Variants in BDP1 observed in about 807,000 individuals in gnomAD.
BDP1 encodes BDP1 general transcription factor IIIB subunit.
Under a neutral mutation model 266.6 loss-of-function variants are expected in BDP1, and 169 were observed. The observed-to-expected ratio is 0.63, with a 90% CI of 0.56 to 0.72. The LOEUF (loss-of-function observed/expected upper bound fraction) is 0.72, where lower values mean the gene tolerates loss of function less well. Among genes scored for constraint, BDP1 ranks in the 30% least tolerant of loss-of-function variants. BDP1 has a pLI of 0.00. For missense variants in BDP1, 3,015 were observed against 3,053.8 expected, an observed-to-expected ratio of 0.99 and a Z score of 0.30; for synonymous variants, 1,090 against 1,022.4, an observed-to-expected ratio of 1.07 and a Z score of -1.26.
intron 9 of BDP1, among the ~76,000 whole-genome samples, chr5:71,487,520 G>A (rs559878901): frequency 4.6e-5 from 7 of 152,300 alleles, no homozygotes; most frequent in African/African-American, 1.7e-4. Flanking sequence ...TGGGATTACA[G>A]GCGTGAGCCA....
At chr5:71,536,385 A>G (rs906233455) in intron 26 of BDP1, among the ~76,000 whole-genome samples, 10 of 152,230 alleles carry the variant, frequency 6.6e-5, no homozygotes, top group Non-Finnish European at 1.0e-4. Flanking sequence ...GTTAAATAGC[A>G]TATATACTGC....
At chr5:71,517,987 A>G (rs1028151670) in intron 22 of BDP1, among the ~76,000 whole-genome samples, 1 of 152,246 alleles carries the variant, frequency 6.6e-6, no homozygotes, top group African/African-American at 2.4e-5. Flanking sequence ...AGTATACTTA[A>G]CAGTATACTA....
chr5:71,489,360 C>T, intron 9 of BDP1, 44 bp from the exon 10 acceptor site: 1 of 1,466,542 alleles, frequency 6.8e-7, no homozygotes, highest in South Asian at 1.4e-5. Flanking sequence ...ACAAATTTTT[C>T]TTTAGGTTGT....
At chr5:71,562,218 AAAAAAG>A in intron 37 of BDP1, 50 bp from the exon 38 acceptor site, 3 of 1,322,664 alleles carry the variant, frequency 2.3e-6, no homozygotes, top group South Asian at 1.6e-5. Context: ...AAAAAAAAAA[AAAAAAG>A]AATGTGTCTT....
chr5:71,468,070 G>C (rs1302840615), intron 6 of BDP1, among the ~76,000 whole-genome samples: 1 of 151,982 alleles, frequency 6.6e-6, no homozygotes, highest in Non-Finnish European at 1.5e-5. Flanking sequence ...CCAGGCTGAA[G>C]TACAATGGCA....
At chr5:71,490,807 C>T (rs1217608237) in intron 10 of BDP1, among the ~76,000 whole-genome samples, 177 bp from the exon 11 acceptor site, 1 of 152,124 alleles carries the variant, frequency 6.6e-6, no homozygotes, top group Admixed American at 6.5e-5. Flanking sequence ...TGAGCTGATC[C>T]TCATATATGT....
rs748983919 is a variant in BDP1, at chr5:71,510,957, A to G, written c.3865A>G (p.Asn1289Asp). Residue 1289 changes from asparagine to aspartate, a missense_variant, in exon 17 of 39, where the codon AAT becomes GAT. Transcript: ENST00000358731. ...AGATTTGAAAGAAACTGGAAAAGAA[A>G]ATTTTAGAGAGAGAGGATCTGAAGA... The part of the protein sequence containing the change: ...EADLKETGKE[N>D]FRERGSEEIC... 15 of 1,614,166 alleles carry G rather than the reference A, an allele frequency of 9.3e-6. No homozygotes were observed. The highest frequency in any genetic ancestry group is 1.1e-5 in the Non-Finnish European group (13 of 1,180,028).
At chr5:71,487,539 G>T (rs143351957) in intron 9 of BDP1, among the ~76,000 whole-genome samples, 3 of 152,138 alleles carry the variant, frequency 2.0e-5, no homozygotes, top group African/African-American at 7.2e-5. Context: ...CACCGTGCCC[G>T]GCCCTTTGTA....
At chr5:71,541,789 C>A in intron 29 of BDP1, 107 bp downstream of exon 29, 1 of 716,788 alleles carries the variant, frequency 1.4e-6, no homozygotes, top group Non-Finnish European at 2.2e-6. Flanking sequence ...AATTTCTTAC[C>A]CTTTAAAGAT....
chr5:71,571,903 G>C (rs1744275100), downstream of BDP1, among the ~76,000 whole-genome samples: 1 of 152,168 alleles, frequency 6.6e-6, no homozygotes, highest in South Asian at 2.1e-4. Context: ...AATATGTTGG[G>C]AGCCGAAAAG....
chr5:71,461,956 C>CACAT, intron 3 of BDP1, 30 bp downstream of exon 3: 1 of 725,330 alleles, frequency 1.4e-6, no homozygotes, highest in Non-Finnish European at 2.3e-6. Flanking sequence ...GCTTTACTAT[C>CACAT]TCTTTTTTTT....
At chr5:71,575,136 T>C in the BDP1 span, among the ~76,000 whole-genome samples, 15 of 152,344 alleles carry the variant, frequency 9.8e-5, 1 homozygote, top group African/African-American at 3.6e-4. Flanking sequence ...CAGCATGGGA[T>C]ATGAAACTTA....
intron 22 of BDP1, among the ~76,000 whole-genome samples, chr5:71,520,035 T>C (rs1765418780): frequency 6.6e-6 from 1 of 152,228 alleles, no homozygotes; most frequent in South Asian, 2.1e-4. Context: ...CTCAGTGCAG[T>C]TTTGATTTGC....
intron 15 of BDP1, 150 bp downstream of exon 15, chr5:71,502,941 T>C: frequency 1.6e-6 from 1 of 625,550 alleles, no homozygotes; most frequent in Non-Finnish European, 2.5e-6. Context: ...CAGGCTGGAA[T>C]GCAGTGTCGC....
At chr5:71,462,417 T>A (rs1418169484) in intron 3 of BDP1, among the ~76,000 whole-genome samples, 1 of 152,236 alleles carries the variant, frequency 6.6e-6, no homozygotes, top group East Asian at 1.9e-4. Flanking sequence ...AAGTAACTGC[T>A]TTCTGGGGAT....
chr5:71,503,680 C>G (rs1161427922), intron 15 of BDP1, among the ~76,000 whole-genome samples: 1 of 152,088 alleles, frequency 6.6e-6, no homozygotes, highest in Non-Finnish European at 1.5e-5. Flanking sequence ...TTCCCATGGT[C>G]TCTAGGCCAG....
chr5:71,485,808 T>C (rs1763228764), intron 8 of BDP1, among the ~76,000 whole-genome samples: 1 of 152,184 alleles, frequency 6.6e-6, no homozygotes, highest in Admixed American at 6.5e-5. Flanking sequence ...GTGATAAAGG[T>C]AGGGCATATG....
chr5:71,560,359 T>C (rs988723900), intron 37 of BDP1, 122 bp downstream of exon 37: 3 of 1,102,380 alleles, frequency 2.7e-6, no homozygotes, highest in Non-Finnish European at 3.7e-6. Flanking sequence ...CCATCAGTAA[T>C]GTAAAGGAAA....
At chr5:71,526,615 C>CAAAAAAAA (rs752124588) in intron 25 of BDP1, among the ~76,000 whole-genome samples, 8 of 49,802 alleles carry the variant, frequency 1.6e-4, no homozygotes, top group Non-Finnish European at 2.1e-4. Flanking sequence ...GACTCTATCT[C>CAAAAAAAA]AAAAAAAAAA....
Sources: gnomAD v4.1 joint callset for allele counts (sites outside exome capture counted in the v4.1 genomes callset) on GRCh38, gnomAD v4.1.1 for gene constraint, MANE v1.5 for transcripts, NCBI Gene and HGNC (gene_info 2026-07-23, HGNC 2026-07-21) for gene names.